CDH12: variants seen among roughly 807,000 people sequenced by gnomAD.
The protein encoded by CDH12 is cadherin 12, also known as cadherin-12.
In CDH12, 41 loss-of-function variants were observed where a neutral mutation model predicts 74.1. The ratio of observed to expected loss-of-function variants is 0.55; its 90% CI spans 0.43 to 0.72. The LOEUF (loss-of-function observed/expected upper bound fraction) is 0.72. Ranked by LOEUF, CDH12 falls within the 30% of genes least tolerant of loss-of-function variation. The pLI is 0.00. For synonymous variants in CDH12, 399 were observed against 355.0 expected (o/e 1.12, Z -1.39); for missense variants, 945 against 977.2 (o/e 0.97, Z 0.44).
chr5:22,055,753 A>T (rs1244253917), intron 5 of CDH12, among the ~76,000 whole-genome samples: 1 of 152,048 alleles, frequency 6.6e-6, no homozygotes, highest in African/African-American at 2.4e-5. Flanking sequence ...TAATCTTTAA[A>T]ATATGAATAT....
chr5:22,815,133 G>T (rs1438982113), intron 1 of CDH12, among the ~76,000 whole-genome samples: 1 of 152,100 alleles, frequency 6.6e-6, no homozygotes, highest in African/African-American at 2.4e-5. Flanking sequence ...GAATTAGTTG[G>T]CGATGATCAC....
rs910603684 is a variant in CDH12, at chr5:22,764,609, C to T, written c.-523+88449G>A. Among the ~76,000 whole-genome samples the T allele has an allele frequency of 3.9e-5, 6 of 151,964 alleles. No homozygotes were observed. The East Asian group carries it at 1.2e-3, about 29-fold the overall frequency. Reference sequence around the variant, plus strand: ...TATTAATTAAAAAGGGGAATATCATCTCTATAGTGAAAATGTTAAAGATTA... The same window carrying T: ...TATTAATTAAAAAGGGGAATATCATTTCTATAGTGAAAATGTTAAAGATTA... On this transcript the variant is annotated intron_variant, in intron 1 of 14. Coordinates refer to ENST00000382254, the MANE Select transcript of CDH12 (RefSeq NM_004061.5).
intron 1 of CDH12, among the ~76,000 whole-genome samples, chr5:22,719,343 T>C (rs906104176): frequency 1.3e-5 from 2 of 152,206 alleles, no homozygotes; most frequent in Non-Finnish European, 2.9e-5. Flanking sequence ...TATAACTAGA[T>C]TGATCTAATC....
chr5:22,154,941 G>T (rs928563679), intron 4 of CDH12, among the ~76,000 whole-genome samples: 1 of 152,032 alleles, frequency 6.6e-6, no homozygotes, highest in Non-Finnish European at 1.5e-5. Context: ...TGGCTCAAAG[G>T]CCCCTCAGAG....
intron 1 of CDH12, among the ~76,000 whole-genome samples, chr5:22,782,455 G>A (rs1747430087): frequency 6.6e-6 from 1 of 152,240 alleles, no homozygotes; most frequent in East Asian, 1.9e-4. Context: ...GCTGCCCTGT[G>A]AAGAGGGTAC....
intron 1 of CDH12, among the ~76,000 whole-genome samples, chr5:22,622,276 C>T (rs189066382): frequency 5.8e-4 from 88 of 151,738 alleles, no homozygotes; most frequent in African/African-American, 1.9e-3. Flanking sequence ...TAGATGCAAC[C>T]GAGAGGAACA....
At chr5:22,708,450 C>T (rs914941232) in intron 1 of CDH12, among the ~76,000 whole-genome samples, 2 of 152,086 alleles carry the variant, frequency 1.3e-5, no homozygotes, top group African/African-American at 4.8e-5. Context: ...GAGAGTTTGT[C>T]TTGCAAAAGG....
chr5:22,842,524 T>C lies in CDH12; in HGVS notation c.-523+10534A>G, dbSNP rs75239058. Among the ~76,000 whole-genome samples, 111 of 151,994 alleles carry C rather than the reference T, an allele frequency of 7.3e-4. 2 individuals are homozygous for C. In the East Asian group the frequency reaches 0.017, roughly 23 times the overall value. On this transcript the variant is annotated intron_variant, in intron 1 of 14. Coordinates refer to ENST00000382254, the MANE Select transcript of CDH12 (RefSeq NM_004061.5). ...AAGGACCAGAGCTTAATAGAGTAAA[T>C]AATGTGGAATGGGGTAATAACCAAA...
At chr5:22,001,517 T>C (rs1033084800) in intron 5 of CDH12, among the ~76,000 whole-genome samples, 2 of 152,120 alleles carry the variant, frequency 1.3e-5, no homozygotes, top group African/African-American at 2.4e-5. Context: ...TTTTAACTTT[T>C]AGGTTCAGGA....
chr5:22,613,777 G>T (rs536313595), intron 1 of CDH12, among the ~76,000 whole-genome samples: 1 of 152,038 alleles, frequency 6.6e-6, no homozygotes, highest in Non-Finnish European at 1.5e-5. Flanking sequence ...GGGGGTAAAA[G>T]AAGATGTTGG....
chr5:22,283,251 T>TATATATATATAC (rs1282673054), intron 3 of CDH12, among the ~76,000 whole-genome samples: 1 of 102,062 alleles, frequency 9.8e-6, no homozygotes, highest in African/African-American at 4.1e-5. Flanking sequence ...TATATATATA[T>TATATATATATAC]ACACACACAC....
chr5:22,526,675 G>A (rs889363558), intron 1 of CDH12, among the ~76,000 whole-genome samples: 9 of 152,152 alleles, frequency 5.9e-5, no homozygotes, highest in African/African-American at 1.9e-4. Context: ...TGGCCAAACA[G>A]ATGAGTTGAA....
chr5:22,499,488 G>C (rs1747246564), intron 2 of CDH12, among the ~76,000 whole-genome samples: 1 of 152,012 alleles, frequency 6.6e-6, no homozygotes, highest in East Asian at 1.9e-4. Flanking sequence ...TTAGAAAACA[G>C]GTCAAGAAAA....
intron 4 of CDH12, chr5:22,152,289 T>C (rs576763998): frequency 1.3e-5 from 2 of 152,260 alleles, no homozygotes; most frequent in South Asian, 4.1e-4. Flanking sequence ...CGACTTATTA[T>C]TTATTAATTA....
chr5:22,405,001 G>A (rs1055378717), intron 3 of CDH12, among the ~76,000 whole-genome samples: 29 of 152,258 alleles, frequency 1.9e-4, no homozygotes, highest in East Asian at 7.8e-4. Context: ...CCTGAGGTCA[G>A]GAGTTCAAGA....
intron 2 of CDH12, among the ~76,000 whole-genome samples, chr5:22,487,880 AC>A (rs2126635269): frequency 6.6e-6 from 1 of 152,358 alleles, no homozygotes; most frequent in East Asian, 1.9e-4. Context: ...CTAAAATTTA[AC>A]TTTTAACAAC....
intron 4 of CDH12, among the ~76,000 whole-genome samples, chr5:22,206,459 A>G (rs148137268): frequency 0.015 from 2,306 of 152,124 alleles, 32 homozygotes; most frequent in Middle Eastern, 0.048. Flanking sequence ...AATCAACTGT[A>G]TATGTCTCAA....
chr5:21,812,594 A>C (rs1747808290), intron 9 of CDH12, among the ~76,000 whole-genome samples: 1 of 152,114 alleles, frequency 6.6e-6, no homozygotes, highest in South Asian at 2.1e-4. Flanking sequence ...GTAGTGTTTC[A>C]ATTGATTTTG....
chr5:22,643,679 TAAAAG>T (rs1470604995), intron 1 of CDH12, among the ~76,000 whole-genome samples: 3 of 146,416 alleles, frequency 2.0e-5, no homozygotes, highest in Non-Finnish European at 4.5e-5. Context: ...CATAAACTTG[TAAAAG>T]AAAACACAGG....
Sources: allele counts gnomAD v4.1 joint callset (sites outside exome capture counted in the v4.1 genomes callset), GRCh38; gene constraint gnomAD v4.1.1; transcripts MANE v1.5; gene names NCBI Gene and HGNC (gene_info 2026-07-23, HGNC 2026-07-21).